IGDCC4: variants seen among roughly 807,000 people sequenced by gnomAD.
IGDCC4 encodes the protein immunoglobulin superfamily DCC subclass member 4.
A neutral mutation model predicts 116.6 loss-of-function variants in IGDCC4; 72 were observed. The observed-to-expected ratio is 0.62, with a 90% CI of 0.51 to 0.75. The LOEUF is 0.75. Ranked by LOEUF, IGDCC4 falls within the 30% of genes least tolerant of loss-of-function variation. IGDCC4 has a pLI of 0.00. For missense variants in IGDCC4, 1,501 were observed against 1,662.4 expected, an observed-to-expected ratio of 0.90 and a Z score of 1.69; for synonymous variants, 709 against 719.9, an observed-to-expected ratio of 0.98 and a Z score of 0.24.
intron 1 of IGDCC4, among the ~76,000 whole-genome samples, chr15:65,412,745 T>C (rs1166199933): frequency 6.6e-6 from 1 of 151,880 alleles, no homozygotes; most frequent in African/African-American, 2.4e-5. Flanking sequence ...CCAGCCTGGG[T>C]AACACAGGGA....
rs774030860 is a variant in IGDCC4 at position 65,384,209 on chromosome 15, C to T, written c.3553G>A (p.Gly1185Arg). The change falls in exon 20 of 20, where the codon GGA becomes AGA. Residue 1185 changes from glycine to arginine, a missense_variant. By Grantham distance (125) the Gly-to-Arg change is moderately radical. Coordinates refer to ENST00000352385, the MANE Select transcript of IGDCC4 (RefSeq NM_020962.3). This position sits in a 1 kb window ranked among gnomAD's most constrained non-coding sequence, Gnocchi z 4.9. ...CCGGGGGCTGCCAGCTCACACCCTCCCAACTCCCTGTCCAGCCAGGCTGCC... is the reference window on the plus strand; with the variant it reads ...CCGGGGGCTGCCAGCTCACACCCTCTCAACTCCCTGTCCAGCCAGGCTGCC... ...QGAAWLDREL[G>R]GCELAAPGPD... The T allele has an allele frequency of 1.2e-6, 2 of 1,606,560 alleles. No individual in the cohort carries two copies. The highest frequency in any genetic ancestry group is 2.2e-5 in the South Asian group (2 of 90,586).
At chr15:65,397,367 G>A (rs1298752004) in intron 5 of IGDCC4, among the ~76,000 whole-genome samples, 2 of 152,162 alleles carry the variant, frequency 1.3e-5, no homozygotes, top group East Asian at 1.9e-4. Flanking sequence ...TGGTAAGGTC[G>A]GACCAAGCCA....
At chr15:65,392,109 T>TC in intron 11 of IGDCC4, 25 bp downstream of exon 11, 4 of 1,136,524 alleles carry the variant, frequency 3.5e-6, no homozygotes, top group African/African-American at 1.6e-5. Flanking sequence ...CATCCCTCCC[T>TC]CCCCCTCCCC....
In IGDCC4 at chr15:65,392,179, C is replaced by A; in HGVS notation, c.2077G>T (p.Val693Phe). ...TGCTTCACTTTCTTCTTGAGCCGGACAGGCCCCACATCCCAAGCCTGGTCT... is the reference window on the plus strand; with the variant it reads ...TGCTTCACTTTCTTCTTGAGCCGGAAAGGCCCCACATCCCAAGCCTGGTCT... ...RGDQAWDVGP[V>F]RLKKKVKQYE... Residue 693 changes from valine to phenylalanine, a missense_variant, in exon 11 of 20, where the codon GTC becomes TTC. Transcript: ENST00000352385. The A allele has an allele frequency of 6.2e-7, 1 of 1,613,788 alleles. No homozygotes were observed. The highest frequency in any genetic ancestry group is 8.5e-7 in the Non-Finnish European group (1 of 1,179,884).
chr15:65,387,572 C>T (rs2091471653), intron 16 of IGDCC4, among the ~76,000 whole-genome samples: 1 of 152,056 alleles, frequency 6.6e-6, no homozygotes, highest in Non-Finnish European at 1.5e-5. Context: ...AGGATGGTCT[C>T]GATCTCCTGA....
Position 65,393,459 on chromosome 15 carries a change from A to T in IGDCC4, c.1787T>A (p.Val596Glu). ...LMLNSLQPNK[V>E]YRVRISAGTA... ...ACCAGCCGAAATCCGTACTCGATAC[A>T]CCTTGTTTGGCTGAAGCGAGTTCAG... Residue 596 changes from valine to glutamate, a missense_variant, in exon 10 of 20, where the codon GTG (valine) becomes GAG (glutamate). This residue lies in a region of IGDCC4 where 898 missense variants were observed against 978.9 expected (regional missense o/e 0.92). Coordinates refer to ENST00000352385, the MANE Select transcript of IGDCC4 (RefSeq NM_020962.3). The surrounding 1 kb of genome is among the most constrained non-coding windows in gnomAD (Gnocchi z 4.6). 1 of 1,613,598 alleles carries T rather than the reference A, an allele frequency of 6.2e-7. No individual in the cohort carries two copies. The highest frequency in any genetic ancestry group is 8.5e-7 in the Non-Finnish European group (1 of 1,179,752).
chr15:65,412,249 CA>C (rs1356696350), intron 1 of IGDCC4, among the ~76,000 whole-genome samples: 1 of 151,762 alleles, frequency 6.6e-6, no homozygotes, highest in Non-Finnish European at 1.5e-5. Flanking sequence ...TGCAGTGGCT[CA>C]CACCTGTAAT....
chr15:65,398,426 C>T (rs996715749), intron 5 of IGDCC4, among the ~76,000 whole-genome samples: 14 of 149,012 alleles, frequency 9.4e-5, no homozygotes, highest in Admixed American at 3.4e-4. Flanking sequence ...CCCAGCTACT[C>T]GGGAAGCTGA....
At position 65,393,112 on chromosome 15, in the gene IGDCC4, C is replaced by T. The variant is rs1376982918; in HGVS notation, c.1885+249G>A. ...CTTTAGTTACAATACATTATTCAAC[C>T]TCATGCCATTCCTGGGCAGTAAATG... On this transcript the variant is annotated intron_variant, in intron 10 of 19. Coordinates refer to ENST00000352385, the MANE Select transcript of IGDCC4 (RefSeq NM_020962.3). The surrounding 1 kb of genome is among the most constrained non-coding windows in gnomAD (Gnocchi z 4.6). Among the ~76,000 whole-genome samples the T allele has an allele frequency of 6.6e-6, 1 of 152,144 alleles. No homozygotes were observed. The highest frequency in any genetic ancestry group is 2.4e-5 in the African/African-American group (1 of 41,420).
intron 18 of IGDCC4, 131 bp downstream of exon 18, chr15:65,385,700 G>C (rs2091448381): frequency 1.3e-6 from 1 of 782,858 alleles, no homozygotes; most frequent in African/African-American, 1.7e-5. Context: ...GTGGAGGAGG[G>C]AGAGAGGCCC....
At chr15:65,389,106 G>C in intron 14 of IGDCC4, 128 bp from the exon 15 acceptor site, 1 of 1,102,012 alleles carries the variant, frequency 9.1e-7, no homozygotes, top group Non-Finnish European at 1.3e-6. Flanking sequence ...TTTCTAGTTG[G>C]GGAATTCTAG....
At chr15:65,394,940 A>C (rs2062905979) in intron 8 of IGDCC4, among the ~76,000 whole-genome samples, 154 bp downstream of exon 8, 1 of 152,124 alleles carries the variant, frequency 6.6e-6, no homozygotes, top group Non-Finnish European at 1.5e-5. Flanking sequence ...CCAACTGTGA[A>C]CTGAGGAGAA....
rs549142535 is a variant in IGDCC4, at chr15:65,422,170, CG to C, written c.70+622del. ...ACACCTCCCTCTACCCCTCTCTAACCGGCCCCAGGGACCACACCCACTGGGC... is the reference window on the plus strand; with the variant it reads ...ACACCTCCCTCTACCCCTCTCTAACCGCCCCAGGGACCACACCCACTGGGC... On this transcript the variant is annotated intron_variant, in intron 1 of 19. Transcript: ENST00000352385. Among the ~76,000 whole-genome samples, 3 of 152,212 alleles carry C rather than the reference CG, an allele frequency of 2.0e-5. No homozygotes were observed. In the East Asian group the frequency reaches 5.8e-4, roughly 29 times the overall value.
intron 6 of IGDCC4, 82 bp downstream of exon 6, chr15:65,396,752 C>T: frequency 7.3e-6 from 11 of 1,499,820 alleles, no homozygotes; most frequent in Non-Finnish European, 8.0e-6. Flanking sequence ...GTGCCCCCAG[C>T]ACACCCACCC....
In IGDCC4 at chr15:65,393,072, T is replaced by C. The variant is rs922244565; in HGVS notation, c.1885+289A>G. 9.9e-5 allele frequency among the ~76,000 whole-genome samples: 15 copies of C among 152,178 alleles called. No homozygotes were observed. Among genetic ancestry groups the C allele is most frequent in the African/African-American group, 3.4e-4 (14 of 41,446 alleles). On this transcript the variant is annotated intron_variant, in intron 10 of 19. Transcript: ENST00000352385. The surrounding 1 kb of genome is among the most constrained non-coding windows in gnomAD (Gnocchi z 4.6). ...CGAAGCAGCTACAATTCAATGAGTT[T>C]TTATGTACTAAGCACTTTAGTTACA...
At position 65,411,066 on chromosome 15, in the gene IGDCC4, G is replaced by A. The variant is rs767697304; in HGVS notation, c.375C>T (p.Gly125=). 4 of 1,613,998 alleles carry A rather than the reference G, an allele frequency of 2.5e-6. No homozygotes were observed. The highest frequency in any genetic ancestry group is 2.2e-5 in the East Asian group (1 of 44,888). The part of the protein sequence containing the change: ...IEGNYSCLAH[G]PLGVLASQTA... ...TCTGGCTGGCCAGCACTCCGAGGGG[G>A]CCGTGGGCTAGGCACGAATAGTTGC... is the stretch of plus-strand genomic sequence containing the variant. Residue 125 remains glycine, a synonymous_variant, in exon 2 of 20, where the codon GGC becomes GGT. Transcript: ENST00000352385.
At chr15:65,402,738 A>C (rs1046587026) in intron 3 of IGDCC4, among the ~76,000 whole-genome samples, 1 of 152,124 alleles carries the variant, frequency 6.6e-6, no homozygotes, top group African/African-American at 2.4e-5. Context: ...GTAGTGGTGC[A>C]TGCCTGTAAT....
intron 3 of IGDCC4, among the ~76,000 whole-genome samples, chr15:65,407,924 G>A (rs1396082969): frequency 1.3e-5 from 2 of 151,568 alleles, no homozygotes; most frequent in Non-Finnish European, 2.9e-5. Context: ...GTGAGCCACC[G>A]CGCCCGGCCT....
Position 65,422,806 on chromosome 15 carries a change from C to A in IGDCC4, c.57G>T (p.Leu19=). The change falls in exon 1 of 20, where the codon CTG becomes CTT. Residue 19 remains leucine, a synonymous_variant. Coordinates refer to ENST00000352385, the MANE Select transcript of IGDCC4 (RefSeq NM_020962.3). ...GRGLLALTFC[L]LAARGELLLP... is the part of the protein sequence containing the mutation. The stretch of plus-strand genomic sequence containing the variant: ...GCCCGCCCTTACCGCGCGCGGCCAA[C>A]AGGCAGAAGGTCAACGCGAGGAGCC... 7.6e-7 allele frequency: 1 copy of A among 1,317,926 alleles called. No individual in the cohort carries two copies. The highest frequency in any genetic ancestry group is 1.9e-5 in the South Asian group (1 of 52,024). The allele number at this position is 1,317,926 out of a possible 1,614,324, so 81.6% of individuals were successfully genotyped here. A position where few individuals can be genotyped will look rare whatever the true frequency, so the allele number is the denominator to read the frequency against.
Sources: allele counts gnomAD v4.1 joint callset (sites outside exome capture counted in the v4.1 genomes callset), GRCh38; gene constraint gnomAD v4.1.1; regional missense constraint gnomAD v4.1.1; non-coding constraint Gnocchi (gnomAD v3.1); transcripts MANE v1.5; gene names NCBI Gene and HGNC (gene_info 2026-07-23, HGNC 2026-07-21).